MTAP: variants seen among roughly 807,000 people sequenced by gnomAD.
MTAP encodes methylthioadenosine phosphorylase, also known as S-methyl-5'-thioadenosine phosphorylase.
MTAP carries 33 observed loss-of-function variants against 33.6 expected under a neutral mutation model. The ratio of observed to expected loss-of-function variants is 0.98; its 90% CI spans 0.74 to 1.31. MTAP has a LOEUF of 1.31. MTAP is among the 40% of genes most tolerant of loss of function. MTAP has a pLI of 0.00. For missense variants in MTAP, 367 were observed against 360.0 expected, an observed-to-expected ratio of 1.02 and a Z score of -0.16; for synonymous variants, 148 against 125.7, an observed-to-expected ratio of 1.18 and a Z score of -1.19.
At chr9:21,858,696 G>A (rs1367483106) in intron 6 of MTAP, among the ~76,000 whole-genome samples, 1 of 152,166 alleles carries the variant, frequency 6.6e-6, no homozygotes, top group Non-Finnish European at 1.5e-5. Flanking sequence ...CATGAGATTT[G>A]GTGAGGACAC....
At chr9:21,816,670 T>C in intron 2 of MTAP, 44 bp from the exon 3 acceptor site, 1 of 1,559,310 alleles carries the variant, frequency 6.4e-7, no homozygotes, top group Non-Finnish European at 8.8e-7. Context: ...TACATACCTG[T>C]TTTTAAATCA....
At chr9:21,920,134 C>T (rs1818763166) in intron 1 of MTAP, among the ~76,000 whole-genome samples, 1 of 152,026 alleles carries the variant, frequency 6.6e-6, no homozygotes, top group African/African-American at 2.4e-5. Flanking sequence ...AGACTAAGCT[C>T]AAGAGCGAAA....
intron 4 of MTAP, among the ~76,000 whole-genome samples, chr9:21,836,705 G>A (rs1008961017): frequency 6.6e-6 from 1 of 152,164 alleles, no homozygotes; most frequent in Non-Finnish European, 1.5e-5. Context: ...GGTTAACTTA[G>A]CATTTCCCCT....
intron 1 of MTAP, among the ~76,000 whole-genome samples, chr9:21,896,053 C>A (rs1818286488): frequency 6.6e-6 from 1 of 152,206 alleles, no homozygotes; most frequent in Non-Finnish European, 1.5e-5. Flanking sequence ...GAAATTATAA[C>A]AAACTGTCTC....
intron 5 of MTAP, among the ~76,000 whole-genome samples, chr9:21,854,170 A>G (rs1000808576): frequency 2.6e-5 from 4 of 152,244 alleles, no homozygotes; most frequent in Admixed American, 2.0e-4. Flanking sequence ...TTTTAAAAGT[A>G]ATGAGAATTA....
intron 4 of MTAP, among the ~76,000 whole-genome samples, chr9:21,832,311 G>A (rs755639455): frequency 1.3e-5 from 2 of 152,200 alleles, no homozygotes; most frequent in African/African-American, 4.8e-5. Flanking sequence ...CCTGAGGTTG[G>A]GAGTATGCTC....
At chr9:21,883,760 C>G (rs1255210006) in intron 1 of MTAP, among the ~76,000 whole-genome samples, 2 of 151,372 alleles carry the variant, frequency 1.3e-5, no homozygotes, top group Non-Finnish European at 2.9e-5. Context: ...AGGGAACCCT[C>G]TAGTGTACAG....
intron 1 of MTAP, among the ~76,000 whole-genome samples, chr9:21,926,401 G>A (rs1309516029): frequency 1.3e-5 from 2 of 152,146 alleles, no homozygotes; most frequent in South Asian, 4.1e-4. Flanking sequence ...TCATAAATGA[G>A]GCAGTAGTCC....
intron 1 of MTAP, among the ~76,000 whole-genome samples, chr9:21,915,029 TTCCTTC>T (rs1818657388): frequency 9.5e-6 from 1 of 104,786 alleles, no homozygotes; most frequent in African/African-American, 5.3e-5. Context: ...CCTTCCTTCC[TTCCTTC>T]CTTCCTTCCT....
At chr9:21,813,351 C>A (rs1488197853) in intron 1 of MTAP, among the ~76,000 whole-genome samples, 1 of 152,204 alleles carries the variant, frequency 6.6e-6, no homozygotes, top group Non-Finnish European at 1.5e-5. Context: ...GCAGTAGCCA[C>A]TCTTGCTTTC....
chr9:21,864,890 C>T lies in MTAP; in HGVS notation c.*2876C>T. The T allele has an allele frequency of 2.0e-6, 2 of 985,498 alleles. No individual in the cohort carries two copies. Among genetic ancestry groups the T allele is most frequent in the Non-Finnish European group, 2.4e-6 (2 of 829,954 alleles). 61.0% of individuals were successfully genotyped at this position (985,498 alleles called of 1,614,324 possible). ...CAGGGCATGGTTGTGGCCCCACCAA[C>T]ACCTATTTTCCAAATAATTATTCAT... On this transcript the variant is annotated 3_prime_UTR_variant, in exon 8 of 8. Transcript: ENST00000644715.
chr9:21,914,664 A>G (rs939585360), intron 1 of MTAP, among the ~76,000 whole-genome samples: 1 of 151,938 alleles, frequency 6.6e-6, no homozygotes, highest in East Asian at 1.9e-4. Flanking sequence ...TAGCATTTGG[A>G]GACATACCTA....
chr9:21,839,093 G>A (rs570744329), intron 5 of MTAP, among the ~76,000 whole-genome samples: 7 of 151,734 alleles, frequency 4.6e-5, no homozygotes, highest in Admixed American at 1.3e-4. Context: ...ATCTAAAACC[G>A]AGTACTGAGG....
At chr9:21,937,034 G>C (rs560836479) in exon 8 of MTAP, 3 of 152,296 alleles carry the variant, frequency 2.0e-5, no homozygotes, top group African/African-American at 7.2e-5. Context: ...AAGTTGGCTA[G>C]AACTGAATGT....
Position 21,895,277 on chromosome 9 carries a change from A to ACACT in MTAP, c.148-35730_148-35727dup, listed in dbSNP as rs369385970. 2.3e-3 allele frequency among the ~76,000 whole-genome samples: 350 copies of ACACT among 152,356 alleles called. 1 individual carries two copies. The highest frequency in any genetic ancestry group is 7.6e-3 in the African/African-American group (318 of 41,584). Reference sequence around the variant, plus strand: ...ATCAGACACTACCTGACTTCAAAGTACACTACAAGGCAACAGTAACCAAAA... The same window carrying ACACT: ...ATCAGACACTACCTGACTTCAAAGTACACTCACTACAAGGCAACAGTAACCAAAA... On this transcript the variant is annotated intron_variant, in intron 1 of 1. Transcript: ENST00000577563.
intron 3 of MTAP, 35 bp downstream of exon 3, chr9:21,816,807 A>G (rs1450975322): frequency 2.6e-6 from 4 of 1,544,344 alleles, no homozygotes; most frequent in Non-Finnish European, 8.8e-7. Context: ...TGTTACTACT[A>G]AAGGATAATT....
At chr9:21,824,704 G>C (rs1420321119) in intron 4 of MTAP, among the ~76,000 whole-genome samples, 1 of 152,200 alleles carries the variant, frequency 6.6e-6, no homozygotes, top group African/African-American at 2.4e-5. Flanking sequence ...CAGAGTTGGA[G>C]TCTACAGAGG....
intron 4 of MTAP, among the ~76,000 whole-genome samples, chr9:21,818,604 C>T (rs938818345): frequency 6.6e-6 from 1 of 152,054 alleles, no homozygotes; most frequent in Non-Finnish European, 1.5e-5. Context: ...GGATTACAGG[C>T]GTGAGCCACT....
At chr9:21,838,749 A>G (rs907982646) in intron 5 of MTAP, among the ~76,000 whole-genome samples, 5 of 152,238 alleles carry the variant, frequency 3.3e-5, no homozygotes, top group African/African-American at 1.2e-4. Context: ...TACCATGACT[A>G]AGAAGCCTAT....
Sources: allele counts gnomAD v4.1 joint callset (sites outside exome capture counted in the v4.1 genomes callset), GRCh38; gene constraint gnomAD v4.1.1; transcripts MANE v1.5; gene names NCBI Gene and HGNC (gene_info 2026-07-23, HGNC 2026-07-21).